ARFIP1: variants seen among roughly 807,000 people sequenced by gnomAD.
The protein encoded by ARFIP1 is arfaptin-1.
A neutral mutation model predicts 42.5 loss-of-function variants in ARFIP1; 24 were observed. That is an observed-to-expected ratio of 0.57 (90% CI 0.41 to 0.80). The LOEUF is 0.80. Ranked by LOEUF, ARFIP1 falls within the 30% of genes least tolerant of loss-of-function variation. The pLI is 0.00. For synonymous variants in ARFIP1, 141 were observed against 153.7 expected (o/e 0.92, Z 0.61); for missense variants, 354 against 434.0 (o/e 0.82, Z 1.64).
Position 152,781,258 on chromosome 4 carries a change from CAG to C in ARFIP1, c.-10+1035_-10+1036del, listed in dbSNP as rs772434189. ...TCTTTTTTTTTTTTTTTTTTTGAGA[CAG>C]AGTCTCACTCTGTCGCCCAGGCTGG... On this transcript the variant is annotated intron_variant, in intron 1 of 8. Transcript: ENST00000353617. Among the ~76,000 whole-genome samples, 43 of 109,106 alleles carry C rather than the reference CAG, an allele frequency of 3.9e-4. No homozygotes were observed. The East Asian group carries it at 0.011, about 28-fold the overall frequency. 71.6% of individuals were successfully genotyped at this position (109,106 alleles called of 152,430 possible).
At chr4:152,895,265 A>G (rs377090560) in intron 8 of ARFIP1, among the ~76,000 whole-genome samples, 125 of 152,370 alleles carry the variant, frequency 8.2e-4, no homozygotes, top group East Asian at 4.8e-3. Flanking sequence ...TGAAGGCTTC[A>G]GGAGATATTT....
intron 1 of ARFIP1, among the ~76,000 whole-genome samples, chr4:152,807,689 T>C (rs1416939596): frequency 1.3e-5 from 2 of 152,202 alleles, no homozygotes; most frequent in South Asian, 4.1e-4. Context: ...GTAACTGATT[T>C]TCTCCTAGTC....
At chr4:152,827,055 T>A (rs1318111112) in intron 1 of ARFIP1, among the ~76,000 whole-genome samples, 1 of 152,214 alleles carries the variant, frequency 6.6e-6, no homozygotes, top group Non-Finnish European at 1.5e-5. Context: ...GGTTATACTG[T>A]TTCAATTTTA....
In ARFIP1 at chr4:152,910,329, T is replaced by C; in HGVS notation, c.*110T>C. ...GGAGGGGTGACAAGCATTATAGTGA[T>C]TCTTGCACAAACAGCTTTAATTTTT... On this transcript the variant is annotated 3_prime_UTR_variant, in exon 9 of 9. Transcript: ENST00000353617. 7.9e-7 allele frequency: 1 copy of C among 1,262,004 alleles called. No homozygotes were observed. Among genetic ancestry groups the C allele is most frequent in the Middle Eastern group, 2.0e-4 (1 of 4,988 alleles). 78.2% of individuals were successfully genotyped at this position (1,262,004 alleles called of 1,614,324 possible).
intron 5 of ARFIP1, among the ~76,000 whole-genome samples, chr4:152,875,985 T>A (rs1414581712): frequency 4.6e-5 from 7 of 152,178 alleles, no homozygotes; most frequent in Non-Finnish European, 7.4e-5. Context: ...ATATAAGAAG[T>A]ACCTTTCGCC....
At chr4:152,889,019 G>A (rs1736501247) in intron 8 of ARFIP1, among the ~76,000 whole-genome samples, 1 of 152,208 alleles carries the variant, frequency 6.6e-6, no homozygotes, top group Non-Finnish European at 1.5e-5. Context: ...GTGTAGTGCA[G>A]TCCTGAACAG....
At chr4:152,909,741 A>G (rs555734527) in intron 8 of ARFIP1, among the ~76,000 whole-genome samples, 1 of 152,214 alleles carries the variant, frequency 6.6e-6, no homozygotes, top group Non-Finnish European at 1.5e-5. Context: ...GATATCTCAC[A>G]TGATTTTGAA....
At chr4:152,832,160 G>T (rs1356771181) in intron 2 of ARFIP1, among the ~76,000 whole-genome samples, 1 of 152,132 alleles carries the variant, frequency 6.6e-6, no homozygotes, top group Admixed American at 6.6e-5. Context: ...GCCAGGTCAC[G>T]AGTATATGAA....
chr4:152,840,085 A>T lies in ARFIP1; in HGVS notation c.93+10359A>T, dbSNP rs146857183. On this transcript the variant is annotated intron_variant, in intron 2 of 8. Transcript: ENST00000353617. ...AAGGTTCCTTTTGGAGTTGATATCC[A>T]GTTTTATTCCACTGTGGTCTGAAAG... 1.9e-4 allele frequency among the ~76,000 whole-genome samples: 29 copies of T among 152,284 alleles called. No homozygotes were observed. In the East Asian group the frequency reaches 2.7e-3, roughly 14 times the overall value.
intron 1 of ARFIP1, among the ~76,000 whole-genome samples, chr4:152,815,081 C>T (rs201119859): frequency 6.6e-6 from 1 of 152,200 alleles, no homozygotes. Flanking sequence ...TTCTACCTTA[C>T]ATGCCATTCT....
chr4:152,811,666 A>G (rs1053333272), intron 1 of ARFIP1, among the ~76,000 whole-genome samples: 1 of 152,198 alleles, frequency 6.6e-6, no homozygotes, highest in Non-Finnish European at 1.5e-5. Context: ...AATAGCCTCA[A>G]CCTTAGAACA....
At chr4:152,851,890 AAT>A (rs1561142588) in intron 2 of ARFIP1, among the ~76,000 whole-genome samples, 2 of 152,254 alleles carry the variant, frequency 1.3e-5, no homozygotes, top group African/African-American at 4.8e-5. Context: ...CCTCTATTAA[AAT>A]ATGCAAAATG....
intron 2 of ARFIP1, among the ~76,000 whole-genome samples, chr4:152,840,198 C>T (rs559244909): frequency 7.2e-5 from 11 of 152,228 alleles, no homozygotes; most frequent in East Asian, 1.9e-4. Flanking sequence ...AATTTCCACG[C>T]GCTGTTGAAT....
chr4:152,905,919 A>G (rs2149914561), intron 8 of ARFIP1, among the ~76,000 whole-genome samples: 1 of 152,220 alleles, frequency 6.6e-6, no homozygotes, highest in East Asian at 1.9e-4. Context: ...TTTTCCAAAT[A>G]TATGGCTTTT....
intron 2 of ARFIP1, among the ~76,000 whole-genome samples, chr4:152,831,883 T>C (rs994322752): frequency 2.0e-5 from 3 of 152,148 alleles, no homozygotes; most frequent in Non-Finnish European, 2.9e-5. Flanking sequence ...ATCTAGGTTT[T>C]AAGCCCTGCA....
At chr4:152,829,016 G>A (rs1731059042) in intron 1 of ARFIP1, among the ~76,000 whole-genome samples, 1 of 152,202 alleles carries the variant, frequency 6.6e-6, no homozygotes, top group Non-Finnish European at 1.5e-5. Flanking sequence ...CACTTTGTCA[G>A]AGATCAGTTG....
intron 5 of ARFIP1, among the ~76,000 whole-genome samples, chr4:152,879,574 G>C (rs895411207): frequency 2.0e-5 from 3 of 152,188 alleles, no homozygotes; most frequent in Admixed American, 2.0e-4. Flanking sequence ...TACTGGCCAG[G>C]TGCGGTGGCT....
chr4:152,817,540 T>G (rs758496278), intron 1 of ARFIP1, among the ~76,000 whole-genome samples: 82 of 152,282 alleles, frequency 5.4e-4, no homozygotes, highest in Non-Finnish European at 9.0e-4. Flanking sequence ...TTCTGACATC[T>G]GATTTGGCAA....
intron 2 of ARFIP1, among the ~76,000 whole-genome samples, chr4:152,846,307 A>G (rs377506990): frequency 1.1e-4 from 17 of 152,164 alleles, no homozygotes; most frequent in African/African-American, 3.9e-4. Context: ...GCATAATGCA[A>G]TGTATCTGAG....
Sources: allele counts gnomAD v4.1 joint callset (sites outside exome capture counted in the v4.1 genomes callset), GRCh38; gene constraint gnomAD v4.1.1; transcripts MANE v1.5; gene names NCBI Gene and HGNC (gene_info 2026-07-23, HGNC 2026-07-21).